TANC2: variants seen among roughly 807,000 people sequenced by gnomAD.
TANC2 encodes the protein tetratricopeptide repeat, ankyrin repeat and coiled-coil containing 2.
In TANC2, 26 loss-of-function variants were observed where a neutral mutation model predicts 210.5. The observed-to-expected ratio is 0.12, with a 90% CI of 0.09 to 0.17. The LOEUF (loss-of-function observed/expected upper bound fraction) is 0.17, where lower values mean the gene tolerates loss of function less well. Among genes scored for constraint, TANC2 ranks in the 10% least tolerant of loss-of-function variants. The pLI, the probability that TANC2 is intolerant of heterozygous loss-of-function variation, is 1.00. For missense variants in TANC2, 2,129 were observed against 2,608.9 expected, an observed-to-expected ratio of 0.82 and a Z score of 4.01; for synonymous variants, 931 against 967.1, an observed-to-expected ratio of 0.96 and a Z score of 0.69.
intron 2 of TANC2, among the ~76,000 whole-genome samples, chr17:63,038,374 A>G (rs931428666): frequency 2.0e-5 from 3 of 151,936 alleles, no homozygotes; most frequent in Non-Finnish European, 4.4e-5. Context: ...AACCCCACCT[A>G]CTCATAGTTT....
At chr17:63,018,867 GT>G (rs2034227619) in intron 2 of TANC2, among the ~76,000 whole-genome samples, 1 of 152,142 alleles carries the variant, frequency 6.6e-6, no homozygotes. Flanking sequence ...ACTCATCCAG[GT>G]TGTCGTGTAT....
At chr17:63,201,792 A>G (rs183301269) in intron 7 of TANC2, among the ~76,000 whole-genome samples, 1 of 146,282 alleles carries the variant, frequency 6.8e-6, no homozygotes, top group East Asian at 1.9e-4. Context: ...ACTCTAGGTA[A>G]ACATTTCATC....
chr17:62,985,421 A>G (rs1315385914), intron 1 of TANC2, among the ~76,000 whole-genome samples: 2 of 151,940 alleles, frequency 1.3e-5, no homozygotes, highest in Non-Finnish European at 2.9e-5. Flanking sequence ...CTCTCCTAAG[A>G]TTTGGGACAT....
chr17:63,334,529 GAAAC>G (rs1384949106), intron 11 of TANC2, among the ~76,000 whole-genome samples: 1 of 152,154 alleles, frequency 6.6e-6, no homozygotes, highest in Admixed American at 6.5e-5. Context: ...AATGTAGAAA[GAAAC>G]AAAGAGGGGA....
chr17:63,154,787 A>C (rs2039778222), intron 5 of TANC2: 2 of 152,082 alleles, frequency 1.3e-5, no homozygotes, highest in Non-Finnish European at 2.9e-5. Context: ...GTCCTGTTGC[A>C]TTTCAATTCT....
At chr17:63,369,895 G>A (rs946203125) in intron 14 of TANC2, among the ~76,000 whole-genome samples, 2 of 151,668 alleles carry the variant, frequency 1.3e-5, no homozygotes, top group Non-Finnish European at 2.9e-5. Context: ...GAGCCACCTC[G>A]CCTGGCCTAA....
intron 2 of TANC2, among the ~76,000 whole-genome samples, chr17:63,029,562 T>G (rs566360722): frequency 6.6e-6 from 1 of 152,262 alleles, no homozygotes; most frequent in South Asian, 2.1e-4. Flanking sequence ...CAGTACAACT[T>G]TCTCTGATGA....
intron 9 of TANC2, among the ~76,000 whole-genome samples, chr17:63,294,903 G>T (rs939001613): frequency 6.6e-6 from 1 of 152,248 alleles, no homozygotes; most frequent in African/African-American, 2.4e-5. Flanking sequence ...CTCAGCTATA[G>T]TTGGGATGAT....
At chr17:63,179,831 C>T (rs549072401) in intron 5 of TANC2, among the ~76,000 whole-genome samples, 4 of 152,224 alleles carry the variant, frequency 2.6e-5, no homozygotes, top group South Asian at 2.1e-4. Context: ...CTGTGCTCTT[C>T]CTAGCACTTC....
chr17:62,981,434 A>G (rs1466898886), intron 1 of TANC2, among the ~76,000 whole-genome samples: 1 of 152,170 alleles, frequency 6.6e-6, no homozygotes, highest in East Asian at 1.9e-4. Context: ...TGCTGTGAAC[A>G]TAACTCTCAG....
chr17:63,183,725 A>G (rs974010382), intron 5 of TANC2, among the ~76,000 whole-genome samples: 3 of 152,200 alleles, frequency 2.0e-5, no homozygotes, highest in African/African-American at 4.8e-5. Context: ...TTTTTTAAAA[A>G]AAGAAATGCA....
intron 9 of TANC2, among the ~76,000 whole-genome samples, chr17:63,286,475 G>C (rs538741869): frequency 2.2e-4 from 34 of 152,192 alleles, no homozygotes; most frequent in African/African-American, 8.2e-4. Context: ...CAGGGAATCT[G>C]CTGTCATTCT....
At chr17:63,160,009 A>G (rs72845204) in intron 5 of TANC2, among the ~76,000 whole-genome samples, 124 of 152,314 alleles carry the variant, frequency 8.1e-4, no homozygotes, top group Non-Finnish European at 1.7e-3. Flanking sequence ...CTGCCTTCTC[A>G]CTGTGTCCTC....
intron 6 of TANC2, among the ~76,000 whole-genome samples, chr17:63,194,964 T>C (rs2041296042): frequency 6.6e-6 from 1 of 152,202 alleles, no homozygotes; most frequent in Non-Finnish European, 1.5e-5. Context: ...TAGTGAAGCA[T>C]TTTATTCAGG....
chr17:63,412,244 C>A lies in TANC2; in HGVS notation c.3898+114C>A. On this transcript the variant is annotated intron_variant, in intron 23 of 27. Coordinates refer to ENST00000689528, the Ensembl canonical transcript of TANC2. The surrounding 1 kb of genome is among the most constrained non-coding windows in gnomAD (Gnocchi z 4.2). ...GTATATAGTTCCCCCTCCTCCCTGG[C>A]CCAATTATTGTCCAAGTGAACAGAG... The A allele has an allele frequency of 7.0e-7, 1 of 1,427,822 alleles. No homozygotes were observed. The highest frequency in any genetic ancestry group is 9.5e-7 in the Non-Finnish European group (1 of 1,050,858). The allele number at this position is 1,427,822 out of a possible 1,614,324, so 88.4% of individuals were successfully genotyped here.
At chr17:63,347,767 ATTGTT>A (rs1340739498) in intron 12 of TANC2, among the ~76,000 whole-genome samples, 1 of 152,018 alleles carries the variant, frequency 6.6e-6, no homozygotes, top group African/African-American at 2.4e-5. Context: ...GGAGACACAA[ATTGTT>A]TTGTTTTGTT....
chr17:63,184,472 A>G (rs1202465387), intron 5 of TANC2, among the ~76,000 whole-genome samples: 1 of 152,178 alleles, frequency 6.6e-6, no homozygotes, highest in Non-Finnish European at 1.5e-5. Context: ...TTGCTATGAA[A>G]ATTTATGAAG....
intron 5 of TANC2, among the ~76,000 whole-genome samples, chr17:63,179,563 C>A (rs1470680820): frequency 2.0e-5 from 3 of 152,078 alleles, no homozygotes; most frequent in African/African-American, 7.2e-5. Flanking sequence ...AACATTATTC[C>A]AGAAATAAAC....
rs1402703310 is a variant in TANC2, at chr17:63,314,539, C to T, written c.1311C>T (p.Asn437=). The T allele has an allele frequency of 1.9e-6, 3 of 1,613,928 alleles. No individual in the cohort carries two copies. In the South Asian group the frequency reaches 3.3e-5, roughly 18 times the overall value. ...TTCAAAGTTCAAATGCCAGCGTGAA[C>T]CAAGGAGTAGTGATTGTGGGAAACA... is the stretch of plus-strand genomic sequence containing the variant. Residue 437 remains asparagine (N), a synonymous_variant, in exon 10 of 28, where the codon AAC becomes AAT. Coordinates refer to ENST00000689528, the Ensembl canonical transcript of TANC2.
Sources: gnomAD v4.1 joint callset for allele counts (sites outside exome capture counted in the v4.1 genomes callset) on GRCh38, gnomAD v4.1.1 for gene constraint, Gnocchi (gnomAD v3.1) non-coding constraint, MANE v1.5 for transcripts, NCBI Gene and HGNC (gene_info 2026-07-23, HGNC 2026-07-21) for gene names.